Variants in TSNAX observed in about 807,000 individuals in gnomAD.
TSNAX encodes translin associated factor X.
TSNAX carries 12 observed loss-of-function variants against 33.0 expected under a neutral mutation model. The observed-to-expected ratio is 0.36, with a 90% CI of 0.23 to 0.59. The LOEUF (loss-of-function observed/expected upper bound fraction) is 0.59. Among genes scored for constraint, TSNAX ranks in the 20% least tolerant of loss-of-function variants. The pLI, the probability that TSNAX is intolerant of heterozygous loss-of-function variation, is 0.74. For synonymous variants in TSNAX, 110 were observed against 117.2 expected (o/e 0.94, Z 0.40); for missense variants, 267 against 341.3 (o/e 0.78, Z 1.72).
chr1:231,534,294 C>T (rs554045799), intron 2 of TSNAX: 6 of 152,210 alleles, frequency 3.9e-5, no homozygotes, highest in Admixed American at 2.6e-4. Flanking sequence ...GTTTGTTAAA[C>T]GTAATGCAGA....
chr1:231,529,415 T>C, intron 2 of TSNAX, 56 bp downstream of exon 2: 1 of 1,556,272 alleles, frequency 6.4e-7, no homozygotes, highest in South Asian at 1.1e-5. Context: ...TATTTAGCCA[T>C]GGTTATGCGC....
rs1002117450 is a variant in TSNAX at position 231,528,695 on chromosome 1, G to C, written c.-116G>C. 94 of 1,228,248 alleles carry C rather than the reference G, an allele frequency of 7.7e-5. No homozygotes were observed. The highest frequency in any genetic ancestry group is 5.5e-4 in the African/African-American group (37 of 67,060). 76.1% of individuals were successfully genotyped at this position (1,228,248 alleles called of 1,614,324 possible). On this transcript the variant is annotated 5_prime_UTR_variant, in exon 1 of 6. Coordinates refer to ENST00000366639, the MANE Select transcript of TSNAX (RefSeq NM_005999.3). ...CGGCCACTGCGTTGTAGTCGGCCCG[G>C]CTGCAAAGCGTTTTTCTGCAGGCTG...
chr1:231,558,528 T>C (rs1374331374), intron 4 of TSNAX, among the ~76,000 whole-genome samples: 1 of 152,212 alleles, frequency 6.6e-6, no homozygotes, highest in Non-Finnish European at 1.5e-5. Context: ...TAAAAAATTT[T>C]TTTTGCTGTA....
chr1:231,532,038 C>T (rs544144103), intron 2 of TSNAX, among the ~76,000 whole-genome samples: 5 of 150,682 alleles, frequency 3.3e-5, no homozygotes, highest in African/African-American at 1.2e-4. Context: ...GGCCACTGCA[C>T]TCCAGGCTGG....
At chr1:231,548,151 G>T (rs1309591011) in intron 4 of TSNAX, among the ~76,000 whole-genome samples, 1 of 152,178 alleles carries the variant, frequency 6.6e-6, no homozygotes, top group Non-Finnish European at 1.5e-5. Flanking sequence ...TTTCTTTAAA[G>T]ACATTATAAA....
intron 2 of TSNAX, 189 bp from the exon 3 acceptor site, chr1:231,537,024 G>C (rs1177247051): frequency 2.7e-6 from 1 of 374,832 alleles, no homozygotes; most frequent in Non-Finnish European, 4.9e-6. Context: ...GTAGAGACGG[G>C]GTTTCACCGT....
chr1:231,560,781 C>T (rs1318756426), intron 4 of TSNAX, among the ~76,000 whole-genome samples: 1 of 151,752 alleles, frequency 6.6e-6, no homozygotes, highest in Non-Finnish European at 1.5e-5. Context: ...TCTGGCTGGG[C>T]ACAGTGGCCC....
At chr1:231,548,246 T>A (rs1660077927) in intron 4 of TSNAX, among the ~76,000 whole-genome samples, 1 of 152,220 alleles carries the variant, frequency 6.6e-6, no homozygotes, top group Non-Finnish European at 1.5e-5. Context: ...AAAGGGCCCT[T>A]ATACCAGACA....
intron 4 of TSNAX, among the ~76,000 whole-genome samples, chr1:231,551,866 C>T (rs898690647): frequency 4.6e-5 from 7 of 151,736 alleles, no homozygotes; most frequent in African/African-American, 1.5e-4. Context: ...GTTGCTTGCT[C>T]CTGTAGTCCT....
At chr1:231,548,838 A>G (rs1660111332) in intron 4 of TSNAX, among the ~76,000 whole-genome samples, 1 of 152,254 alleles carries the variant, frequency 6.6e-6, no homozygotes, top group Non-Finnish European at 1.5e-5. Flanking sequence ...TTTTAAAGAC[A>G]TGGATAAGAT....
At chr1:231,532,965 C>CT (rs914713952) in intron 2 of TSNAX, among the ~76,000 whole-genome samples, 6 of 151,816 alleles carry the variant, frequency 4.0e-5, no homozygotes, top group African/African-American at 1.2e-4. Context: ...AATCATTTCC[C>CT]TTTTTTTTCC....
At chr1:231,539,038 C>T (rs1465040140) in intron 3 of TSNAX, among the ~76,000 whole-genome samples, 2 of 151,806 alleles carry the variant, frequency 1.3e-5, no homozygotes, top group Non-Finnish European at 2.9e-5. Flanking sequence ...ATCTAATTTG[C>T]CATACATAGA....
chr1:231,535,021 A>AG (rs1659068629), intron 2 of TSNAX: 1 of 152,192 alleles, frequency 6.6e-6, no homozygotes. Context: ...AGATGATGAG[A>AG]GGCAGTAGCA....
At chr1:231,531,485 C>G (rs756464951) in intron 2 of TSNAX, among the ~76,000 whole-genome samples, 1 of 152,182 alleles carries the variant, frequency 6.6e-6, no homozygotes, top group African/African-American at 2.4e-5. Flanking sequence ...ATCTCTGTCC[C>G]TCATACAGGA....
intron 2 of TSNAX, 132 bp downstream of exon 2, chr1:231,529,491 T>G (rs1658510124): frequency 3.6e-6 from 3 of 824,452 alleles, no homozygotes; most frequent in Non-Finnish European, 5.7e-6. Flanking sequence ...GCGCTAGATG[T>G]ACCCTAAAAG....
At chr1:231,541,590 AG>A (rs1264569460) in intron 3 of TSNAX, among the ~76,000 whole-genome samples, 4 of 116,594 alleles carry the variant, frequency 3.4e-5, no homozygotes, top group African/African-American at 1.8e-4. Context: ...TTTAAAAATA[AG>A]AAAAATATTT....
chr1:231,554,034 G>A (rs1276366113), intron 4 of TSNAX, among the ~76,000 whole-genome samples: 2 of 152,150 alleles, frequency 1.3e-5, no homozygotes, highest in Non-Finnish European at 2.9e-5. Flanking sequence ...CATCTCTGAA[G>A]TAACTTTTGT....
chr1:231,532,159 C>CACACACACACACACACACACAT (rs1558118094), intron 2 of TSNAX, among the ~76,000 whole-genome samples: 67 of 89,338 alleles, frequency 7.5e-4, no homozygotes, highest in African/African-American at 2.2e-3. Flanking sequence ...CACACACACA[C>CACACACACACACACACACACAT]ACACACACAC....
chr1:231,558,606 C>T (rs1660840751), intron 4 of TSNAX, among the ~76,000 whole-genome samples: 1 of 152,094 alleles, frequency 6.6e-6, no homozygotes, highest in Admixed American at 6.5e-5. Context: ...AGGCTAACCA[C>T]ATTAGAGCAT....
Sources: gnomAD v4.1 joint callset for allele counts (sites outside exome capture counted in the v4.1 genomes callset) on GRCh38, gnomAD v4.1.1 for gene constraint, MANE v1.5 for transcripts, NCBI Gene and HGNC (gene_info 2026-07-23, HGNC 2026-07-21) for gene names.